INTS4: variants seen among roughly 807,000 people sequenced by gnomAD.
INTS4 encodes the protein MSTP093.
A neutral mutation model predicts 119.5 loss-of-function variants in INTS4; 70 were observed. The observed-to-expected ratio is 0.59, with a 90% CI of 0.48 to 0.71. The LOEUF is 0.71. INTS4 is among the 30% of genes least tolerant of loss of function. The pLI is 0.00. For missense variants in INTS4, 867 were observed against 1,173.2 expected, an observed-to-expected ratio of 0.74 and a Z score of 3.81; for synonymous variants, 316 against 419.6, an observed-to-expected ratio of 0.75 and a Z score of 3.02.
At chr11:77,959,117 C>A (rs1177431113) in intron 6 of INTS4, among the ~76,000 whole-genome samples, 3 of 152,190 alleles carry the variant, frequency 2.0e-5, no homozygotes, top group African/African-American at 7.2e-5. Context: ...ATGCTGGGAG[C>A]AAACAGTACT....
chr11:77,897,667 A>T (rs1214828907), intron 18 of INTS4, among the ~76,000 whole-genome samples: 3 of 145,862 alleles, frequency 2.1e-5, no homozygotes, highest in Non-Finnish European at 3.0e-5. Flanking sequence ...CGCCCGGCTA[A>T]TTTTTTTTTT....
At chr11:77,919,011 T>C (rs758323244) in intron 14 of INTS4, 33 bp from the exon 15 acceptor site, 16 of 1,612,304 alleles carry the variant, frequency 9.9e-6, no homozygotes, top group Admixed American at 3.3e-5. Context: ...GTCATTAAGT[T>C]TGGTGGCTCA....
chr11:77,931,471 A>G (rs1565253251), intron 10 of INTS4, among the ~76,000 whole-genome samples: 1 of 152,232 alleles, frequency 6.6e-6, no homozygotes, highest in Non-Finnish European at 1.5e-5. Context: ...ATTTGATTAC[A>G]TCTTAATAAC....
At chr11:77,903,696 G>A (rs1952850743) in intron 16 of INTS4, 76 bp from the exon 17 acceptor site, 1 of 1,159,954 alleles carries the variant, frequency 8.6e-7, no homozygotes, top group Non-Finnish European at 1.2e-6. Flanking sequence ...TTACATTTTT[G>A]TTTTCCTTTG....
At chr11:77,907,412 T>C (rs969091476) in intron 16 of INTS4, among the ~76,000 whole-genome samples, 3 of 152,198 alleles carry the variant, frequency 2.0e-5, no homozygotes, top group African/African-American at 7.2e-5. Context: ...TAAAACTTCA[T>C]ACAATTCCTT....
intron 18 of INTS4, among the ~76,000 whole-genome samples, chr11:77,896,224 GA>G (rs1045591764): frequency 1.9e-4 from 28 of 149,856 alleles, no homozygotes; most frequent in African/African-American, 6.9e-4. Context: ...AAACTATACA[GA>G]AAAAAAAGGA....
chr11:77,926,221 T>C (rs1402341059), intron 11 of INTS4, among the ~76,000 whole-genome samples: 1 of 149,268 alleles, frequency 6.7e-6, no homozygotes, highest in Non-Finnish European at 1.5e-5. Flanking sequence ...GCTGGAAGGG[T>C]CAGCAAGGTA....
At chr11:77,975,112 T>C (rs1465525814) in intron 4 of INTS4, among the ~76,000 whole-genome samples, 1 of 152,220 alleles carries the variant, frequency 6.6e-6, no homozygotes, top group African/African-American at 2.4e-5. Flanking sequence ...ATCTTTAGTA[T>C]TCCCTTCCTT....
At chr11:77,932,738 A>C (rs1288096617) in intron 10 of INTS4, among the ~76,000 whole-genome samples, 1 of 152,176 alleles carries the variant, frequency 6.6e-6, no homozygotes. Context: ...GGATAAAGAA[A>C]ATGTGGCACA....
At position 77,961,153 on chromosome 11, in the gene INTS4, A is replaced by AAAAAAAAAAAAAAAAAAAG; in HGVS notation, c.472-16_472-15insCTTTTTTTTTTTTTTTTTT. The AAAAAAAAAAAAAAAAAAAG allele has an allele frequency of 6.5e-7, 1 of 1,544,106 alleles. No homozygotes were observed. The highest frequency in any genetic ancestry group is 1.3e-5 in the South Asian group (1 of 79,520). Reference sequence around the variant, plus strand: ...TCTGTCAGATGCTATTAAAAAAAAAAAAAAAAAGAAAAAAAGAAAAAGAAA... The same window carrying AAAAAAAAAAAAAAAAAAAG: ...TCTGTCAGATGCTATTAAAAAAAAAAAAAAAAAAAAAAAAAAAAGAAAAAAAGAAAAAAAGAAAAAGAAA... On this transcript the variant is annotated splice_polypyrimidine_tract_variant and intron_variant, in intron 4 of 22. Coordinates refer to ENST00000534064, the MANE Select transcript of INTS4 (RefSeq NM_033547.4).
chr11:77,957,569 C>T (rs1364956040), intron 7 of INTS4, among the ~76,000 whole-genome samples: 1 of 151,466 alleles, frequency 6.6e-6, no homozygotes, highest in Admixed American at 6.6e-5. Context: ...AGTACGTAAC[C>T]CACCAAAGGT....
At chr11:77,881,218 T>C (rs1018869295) in intron 22 of INTS4, among the ~76,000 whole-genome samples, 1 of 152,200 alleles carries the variant, frequency 6.6e-6, no homozygotes, top group South Asian at 2.1e-4. Flanking sequence ...CTCATCTTAA[T>C]GAGACAGGGA....
At position 77,924,834 on chromosome 11, in the gene INTS4, G is replaced by A; in HGVS notation, c.1430C>T (p.Ser477Leu). The A allele has an allele frequency of 6.3e-7, 1 of 1,590,638 alleles. No homozygotes were observed. The highest frequency in any genetic ancestry group is 8.6e-7 in the Non-Finnish European group (1 of 1,158,684). Residue 477 changes from serine to leucine, a missense_variant, in exon 12 of 23, where the codon TCA becomes TTA. Coordinates refer to ENST00000534064, the MANE Select transcript of INTS4 (RefSeq NM_033547.4). ...LHELLCCTNVSTKEGIHLALV... is the reference protein window; with the variant it reads ...LHELLCCTNVLTKEGIHLALV... Reference sequence around the variant, plus strand: ...TGCAAGATGAATCCCTTCTTTGGTTGAAACATTAGTACAGCATAAGAGTTC... The same window carrying A: ...TGCAAGATGAATCCCTTCTTTGGTTAAAACATTAGTACAGCATAAGAGTTC...
intron 8 of INTS4, among the ~76,000 whole-genome samples, chr11:77,949,277 C>T (rs1954127078): frequency 6.6e-6 from 1 of 152,082 alleles, no homozygotes; most frequent in East Asian, 1.9e-4. Context: ...TAGAAGAAAA[C>T]CTAGGCAATA....
chr11:77,944,386 T>C (rs1953999731), intron 8 of INTS4, among the ~76,000 whole-genome samples: 5 of 152,216 alleles, frequency 3.3e-5, no homozygotes. Flanking sequence ...CTTAGTATAT[T>C]GCTATGCATG....
intron 18 of INTS4, chr11:77,900,815 T>C (rs1488711647): frequency 1.7e-6 from 1 of 587,340 alleles, no homozygotes; most frequent in Non-Finnish European, 3.0e-6. Flanking sequence ...CTTACAGATA[T>C]AATTACACTG....
At chr11:77,975,767 C>T (rs1855922525) in intron 4 of INTS4, among the ~76,000 whole-genome samples, 1 of 152,004 alleles carries the variant, frequency 6.6e-6, no homozygotes, top group Non-Finnish European at 1.5e-5. Context: ...ACCATCCTGG[C>T]TAACATGGTG....
chr11:77,920,198 T>TATACATATACACATATATATACAC (rs1247883245), intron 14 of INTS4, among the ~76,000 whole-genome samples: 1 of 48,836 alleles, frequency 2.0e-5, no homozygotes, highest in African/African-American at 7.3e-5. Context: ...TATATATACA[T>TATACATATACACATATATATACAC]ATATATACAC....
At chr11:77,890,664 A>C (rs1952223379) in intron 21 of INTS4, among the ~76,000 whole-genome samples, 1 of 152,166 alleles carries the variant, frequency 6.6e-6, no homozygotes, top group Admixed American at 6.5e-5. Context: ...CCCCGAGAGG[A>C]AGAACTGTGA....
Sources: gnomAD v4.1 joint callset for allele counts (sites outside exome capture counted in the v4.1 genomes callset) on GRCh38, gnomAD v4.1.1 for gene constraint, MANE v1.5 for transcripts, NCBI Gene and HGNC (gene_info 2026-07-23, HGNC 2026-07-21) for gene names.